Variants in MDGA2 observed in about 807,000 individuals in gnomAD.
MDGA2 encodes MAM domain-containing glycosylphosphatidylinositol anchor protein 2.
Under a neutral mutation model 117.8 loss-of-function variants are expected in MDGA2, and 40 were observed. That is an observed-to-expected ratio of 0.34 (90% CI 0.26 to 0.44). The LOEUF is 0.44. Among genes scored for constraint, MDGA2 ranks in the 20% least tolerant of loss-of-function variants. The pLI is 1.00. For synonymous variants in MDGA2, 452 were observed against 439.0 expected (o/e 1.03, Z -0.37); for missense variants, 1,123 against 1,250.6 (o/e 0.90, Z 1.54).
chr14:47,036,612 T>C (rs1465416627), intron 7 of MDGA2, among the ~76,000 whole-genome samples: 1 of 152,238 alleles, frequency 6.6e-6, no homozygotes, highest in Non-Finnish European at 1.5e-5. Flanking sequence ...TGAATAATTC[T>C]ATCCTTCCGA....
chr14:47,246,291 A>AG (rs1186019041), intron 2 of MDGA2, among the ~76,000 whole-genome samples: 1 of 151,718 alleles, frequency 6.6e-6, no homozygotes, highest in African/African-American at 2.4e-5. Context: ...CTAGCCAAAA[A>AG]TTTATCAGTC....
At chr14:47,548,156 G>C (rs1227849653) in intron 1 of MDGA2, among the ~76,000 whole-genome samples, 1 of 152,058 alleles carries the variant, frequency 6.6e-6, no homozygotes, top group Non-Finnish European at 1.5e-5. Flanking sequence ...ATTACTTCAT[G>C]TGGTCTCAGG....
chr14:47,464,234 T>C lies in MDGA2; in HGVS notation c.281-162684A>G, dbSNP rs185478741. On this transcript the variant is annotated intron_variant, in intron 1 of 16. Coordinates refer to ENST00000399232, the MANE Select transcript of MDGA2 (RefSeq NM_001113498.3). ...CCAAAGGTGGATGTGAGATCCAGGA[T>C]AAAATAACACAAGGGATAGGAAAAA... is the stretch of plus-strand genomic sequence containing the variant. Among the ~76,000 whole-genome samples, 190 of 151,534 alleles carry C rather than the reference T, an allele frequency of 1.3e-3. 1 individual carries two copies. Among genetic ancestry groups the C allele is most frequent in the Admixed American group, 2.2e-3 (34 of 15,196 alleles).
At chr14:47,514,913 T>C (rs1313266105) in intron 1 of MDGA2, among the ~76,000 whole-genome samples, 1 of 152,150 alleles carries the variant, frequency 6.6e-6, no homozygotes, top group Non-Finnish European at 1.5e-5. Context: ...AGTGGCCCTG[T>C]CCCATCTCCT....
chr14:47,273,275 T>C (rs2139709411), intron 2 of MDGA2, among the ~76,000 whole-genome samples: 1 of 152,272 alleles, frequency 6.6e-6, no homozygotes, highest in African/African-American at 2.4e-5. Context: ...TCAAATTATA[T>C]TCTGATATTA....
At chr14:47,664,745 A>T (rs1317285425) in intron 1 of MDGA2, among the ~76,000 whole-genome samples, 1 of 152,208 alleles carries the variant, frequency 6.6e-6, no homozygotes, top group African/African-American at 2.4e-5. Context: ...GAACGAAATG[A>T]TTTTAGTCAT....
intron 3 of MDGA2, among the ~76,000 whole-genome samples, chr14:47,144,661 T>C (rs1882865066): frequency 6.6e-6 from 1 of 152,004 alleles, no homozygotes; most frequent in Non-Finnish European, 1.5e-5. Flanking sequence ...TCTTTTTTCT[T>C]TTTTTAAAAC....
intron 10 of MDGA2, among the ~76,000 whole-genome samples, chr14:46,905,206 G>A (rs1465865881): frequency 6.6e-6 from 1 of 152,108 alleles, no homozygotes; most frequent in African/African-American, 2.4e-5. Context: ...TTTTATACAA[G>A]AAGAGGTGTG....
intron 2 of MDGA2, among the ~76,000 whole-genome samples, chr14:47,289,070 ACTTAAGTCTGAAACCTC>A (rs1482964439): frequency 6.6e-6 from 1 of 152,064 alleles, no homozygotes; most frequent in East Asian, 1.9e-4. Context: ...AAGTTATTAA[ACTTAAGTCTGAAACCTC>A]CTTTAAAGTC....
At chr14:47,455,589 A>T (rs1893332679) in intron 1 of MDGA2, among the ~76,000 whole-genome samples, 1 of 152,218 alleles carries the variant, frequency 6.6e-6, no homozygotes, top group Non-Finnish European at 1.5e-5. Context: ...ATTAGATAAC[A>T]AAAAATGACT....
rs1555336039 is a variant in MDGA2 at position 47,609,440 on chromosome 14, T to TATAC, written c.280+65076_280+65077insGTAT. 5.3e-4 allele frequency among the ~76,000 whole-genome samples: 47 copies of TATAC among 88,180 alleles called. 7 individuals are homozygous for TATAC. In the South Asian group the frequency reaches 0.011, roughly 21 times the overall value. The allele number at this position is 88,180 out of a possible 152,430, so 57.8% of individuals were successfully genotyped here. ...AGTAGTATTCCATCATATATATATA[T>TATAC]ATATATATATATATATATATATATA... On this transcript the variant is annotated intron_variant, in intron 1 of 16. Coordinates refer to ENST00000399232, the MANE Select transcript of MDGA2 (RefSeq NM_001113498.3).
At position 46,850,063 on chromosome 14, in the gene MDGA2, A is replaced by G. The variant is rs533932127; in HGVS notation, c.2884-4192T>C. Among the ~76,000 whole-genome samples the G allele has an allele frequency of 1.5e-3, 230 of 152,032 alleles. 2 individuals carry two copies. The highest frequency in any genetic ancestry group is 2.2e-3 in the Non-Finnish European group (150 of 67,804). On this transcript the variant is annotated intron_variant, in intron 15 of 16. Coordinates refer to ENST00000399232, the MANE Select transcript of MDGA2 (RefSeq NM_001113498.3). ...AAGTTTAAAACTGAAATGTTTTCAC[A>G]GTGTGTTCATGCAACTTCGCAACCT...
intron 14 of MDGA2, among the ~76,000 whole-genome samples, chr14:46,862,672 G>A (rs141954211): frequency 1.3e-5 from 2 of 151,604 alleles, no homozygotes; most frequent in South Asian, 2.1e-4. Flanking sequence ...CATACAAATC[G>A]CATTGTTATA....
intron 1 of MDGA2, among the ~76,000 whole-genome samples, chr14:47,485,642 G>C (rs1344623723): frequency 6.6e-6 from 1 of 152,174 alleles, no homozygotes; most frequent in Non-Finnish European, 1.5e-5. Flanking sequence ...AGGCCTAAGA[G>C]GAAAAGTGGT....
chr14:47,658,094 T>C (rs1417403269), intron 1 of MDGA2, among the ~76,000 whole-genome samples: 2 of 152,118 alleles, frequency 1.3e-5, no homozygotes, highest in South Asian at 2.1e-4. Context: ...ATAGCAAAAG[T>C]CTCAAACTCC....
At chr14:47,346,599 G>A (rs1448415578) in intron 1 of MDGA2, among the ~76,000 whole-genome samples, 1 of 152,088 alleles carries the variant, frequency 6.6e-6, no homozygotes, top group Non-Finnish European at 1.5e-5. Flanking sequence ...TCTTAGTATT[G>A]CATAACATGT....
intron 15 of MDGA2, among the ~76,000 whole-genome samples, chr14:46,850,916 C>T (rs1881031777): frequency 6.6e-6 from 1 of 151,840 alleles, no homozygotes; most frequent in Non-Finnish European, 1.5e-5. Context: ...CAGGAGCCAC[C>T]ATTGTGTCCA....
intron 9 of MDGA2, among the ~76,000 whole-genome samples, chr14:46,922,293 C>T (rs1884162971): frequency 6.6e-6 from 1 of 152,086 alleles, no homozygotes; most frequent in Non-Finnish European, 1.5e-5. Flanking sequence ...ATAAATTTCC[C>T]TTTATTCGAG....
intron 2 of MDGA2, among the ~76,000 whole-genome samples, chr14:47,266,043 G>T (rs1209023081): frequency 6.6e-6 from 1 of 152,080 alleles, no homozygotes; most frequent in Non-Finnish European, 1.5e-5. Context: ...ATCCTCATAT[G>T]TTACCTCATT....
Sources: allele counts gnomAD v4.1 joint callset (sites outside exome capture counted in the v4.1 genomes callset), GRCh38; gene constraint gnomAD v4.1.1; transcripts MANE v1.5; gene names NCBI Gene and HGNC (gene_info 2026-07-23, HGNC 2026-07-21).